The following COL23A1 variants were observed in gnomAD, a reference collection of about 807,000 sequenced individuals.
The protein encoded by COL23A1 is collagen type XXIII alpha 1 chain, also known as collagen alpha-1(XXIII) chain.
Under a neutral mutation model 99.3 loss-of-function variants are expected in COL23A1, and 97 were observed. The observed-to-expected ratio is 0.98, with a 90% confidence interval of 0.83 to 1.16. COL23A1 has a LOEUF of 1.16. Ranked by LOEUF, COL23A1 falls within the 50% of genes most tolerant of loss-of-function variation. The pLI is 0.00. For synonymous variants in COL23A1, 320 were observed against 308.2 expected, an observed-to-expected ratio of 1.04 and a Z score of -0.40; for missense variants, 762 against 757.4, an observed-to-expected ratio of 1.01 and a Z score of -0.07.
At chr5:178,445,086 C>A (rs913025997) in intron 2 of COL23A1, among the ~76,000 whole-genome samples, 12 of 152,186 alleles carry the variant, frequency 7.9e-5, no homozygotes, top group African/African-American at 2.9e-4. Flanking sequence ...GATTTAAACA[C>A]AGACTAGAAG....
At chr5:178,404,791 C>T (rs1048353456) in intron 2 of COL23A1, among the ~76,000 whole-genome samples, 4 of 152,164 alleles carry the variant, frequency 2.6e-5, no homozygotes, top group Non-Finnish European at 4.4e-5. Context: ...CCTGGGCCCA[C>T]ACCTCTTGGC....
intron 2 of COL23A1, among the ~76,000 whole-genome samples, chr5:178,539,051 C>T (rs76794568): frequency 1.3e-5 from 2 of 152,128 alleles, no homozygotes; most frequent in African/African-American, 2.4e-5. Context: ...TAAATAGATT[C>T]GTGGTTGGCA....
chr5:178,542,007 C>T (rs941910463), intron 2 of COL23A1, among the ~76,000 whole-genome samples: 2 of 152,146 alleles, frequency 1.3e-5, no homozygotes, highest in African/African-American at 4.8e-5. Context: ...TGTGCTCTTG[C>T]TTGTAGCAGG....
chr5:178,273,537 A>G (rs1756413054), intron 5 of COL23A1, among the ~76,000 whole-genome samples: 1 of 152,236 alleles, frequency 6.6e-6, no homozygotes, highest in South Asian at 2.1e-4. Flanking sequence ...CAGAGGGTGC[A>G]GTGTGCGCAG....
intron 1 of COL23A1, among the ~76,000 whole-genome samples, chr5:178,581,377 C>T (rs1388075550): frequency 6.6e-6 from 1 of 151,994 alleles, no homozygotes; most frequent in African/African-American, 2.4e-5. Flanking sequence ...ACCATCCTGG[C>T]CAACATGGTG....
rs927867274 is a variant in COL23A1, at chr5:178,409,012, A to G, written c.362-102093T>C. On this transcript the variant is annotated intron_variant, in intron 2 of 28. Coordinates refer to ENST00000390654, the MANE Select transcript of COL23A1 (RefSeq NM_173465.4). ...CACACACACACACACACACACACAC[A>G]CACACACACATCATGTGGCTGAACA... 2.0e-3 allele frequency among the ~76,000 whole-genome samples: 296 copies of G among 146,808 alleles called. 2 individuals are homozygous for G. Among genetic ancestry groups the G allele is most frequent in the Admixed American group, 3.6e-3 (53 of 14,684 alleles).
intron 2 of COL23A1, chr5:178,345,117 A>G: frequency 1.7e-6 from 1 of 601,932 alleles, no homozygotes; most frequent in Non-Finnish European, 3.2e-6. Flanking sequence ...ATCTCCCAGG[A>G]AGATGGTCAT....
chr5:178,438,965 G>C (rs1486097133), intron 2 of COL23A1: 1 of 152,196 alleles, frequency 6.6e-6, no homozygotes, highest in African/African-American at 2.4e-5. Context: ...CACTTTAGTA[G>C]TTTGTAAAAC....
intron 2 of COL23A1, among the ~76,000 whole-genome samples, chr5:178,316,560 T>A (rs1229298231): frequency 6.6e-6 from 1 of 152,212 alleles, no homozygotes; most frequent in Non-Finnish European, 1.5e-5. Flanking sequence ...AATTCCCGAT[T>A]TTTTTCACTT....
intron 2 of COL23A1, among the ~76,000 whole-genome samples, chr5:178,535,916 G>C (rs528375726): frequency 6.6e-6 from 1 of 152,372 alleles, no homozygotes; most frequent in South Asian, 2.1e-4. Flanking sequence ...AGGGGATTCC[G>C]GCCACCTTTT....
At chr5:178,401,773 G>T (rs1241678742) in intron 2 of COL23A1, among the ~76,000 whole-genome samples, 1 of 152,128 alleles carries the variant, frequency 6.6e-6, no homozygotes, top group Non-Finnish European at 1.5e-5. Flanking sequence ...GAGAGCTCTG[G>T]TTGCTCTGCA....
intron 2 of COL23A1, among the ~76,000 whole-genome samples, chr5:178,337,663 C>T (rs372109516): frequency 1.4e-3 from 208 of 152,124 alleles, no homozygotes; most frequent in African/African-American, 4.8e-3. Context: ...CACTCAGGAG[C>T]CACTGCTCTC....
At chr5:178,408,927 C>T (rs1298204890) in intron 2 of COL23A1, among the ~76,000 whole-genome samples, 2 of 145,640 alleles carry the variant, frequency 1.4e-5, no homozygotes, top group Non-Finnish European at 3.0e-5. Context: ...TGCACTCCAG[C>T]CTGGGCGACA....
At position 178,304,441 on chromosome 5, in the gene COL23A1, C is replaced by G. The variant is rs552662492; in HGVS notation, c.406+2434G>C. Among the ~76,000 whole-genome samples, 4 of 137,302 alleles carry G rather than the reference C, an allele frequency of 2.9e-5. No homozygotes were observed. In the South Asian group the frequency reaches 9.0e-4, roughly 31 times the overall value. 90.1% of individuals were successfully genotyped at this position (137,302 alleles called of 152,430 possible). Reference sequence around the variant, plus strand: ...ATGAGAATCGCTTGAATCTGGGAAGCAGAGGCTGCTGTGAGCTGAGATTGT... The same window carrying G: ...ATGAGAATCGCTTGAATCTGGGAAGGAGAGGCTGCTGTGAGCTGAGATTGT... On this transcript the variant is annotated intron_variant, in intron 3 of 28. Coordinates refer to ENST00000390654, the MANE Select transcript of COL23A1 (RefSeq NM_173465.4).
chr5:178,277,646 C>T (rs984189606), intron 5 of COL23A1, among the ~76,000 whole-genome samples: 1 of 152,196 alleles, frequency 6.6e-6, no homozygotes, highest in Admixed American at 6.5e-5. Context: ...GCTGTGAAAC[C>T]GGCTGGCTTC....
At chr5:178,363,676 C>T (rs932870336) in intron 2 of COL23A1, among the ~76,000 whole-genome samples, 3 of 152,176 alleles carry the variant, frequency 2.0e-5, no homozygotes, top group Admixed American at 2.0e-4. Context: ...GGCCACAGAG[C>T]CGATGGCTGC....
intron 2 of COL23A1, among the ~76,000 whole-genome samples, chr5:178,358,115 ATG>A (rs1761849716): frequency 7.1e-6 from 1 of 140,054 alleles, no homozygotes; most frequent in Non-Finnish European, 1.5e-5. Context: ...GTGTATGTGT[ATG>A]TGTACGTGTG....
rs556231842 is a variant in COL23A1, at chr5:178,323,545, G to A, written c.362-16626C>T. ...GGCTAACCGCAGAGGGTCCTTCCTG[G>A]GGAGAGGCTAAGGGGGATCTGCTGG... On this transcript the variant is annotated intron_variant, in intron 2 of 28. Coordinates refer to ENST00000390654, the MANE Select transcript of COL23A1 (RefSeq NM_173465.4). 5.3e-5 allele frequency among the ~76,000 whole-genome samples: 8 copies of A among 152,116 alleles called. No homozygotes were observed. In the East Asian group the frequency reaches 1.5e-3, roughly 29 times the overall value.
intron 5 of COL23A1, among the ~76,000 whole-genome samples, chr5:178,270,743 G>A (rs762734461): frequency 2.0e-5 from 3 of 152,162 alleles, no homozygotes; most frequent in Non-Finnish European, 4.4e-5. Flanking sequence ...GGGCTTTAGA[G>A]GCTTTCTTCT....
Sources: allele counts gnomAD v4.1 joint callset (sites outside exome capture counted in the v4.1 genomes callset), GRCh38; gene constraint gnomAD v4.1.1; transcripts MANE v1.5; gene names NCBI Gene and HGNC (gene_info 2026-07-23, HGNC 2026-07-21).